Variants in RNFT2 observed in about 807,000 individuals in gnomAD.
RNFT2 encodes ring finger protein, transmembrane 2, also known as E3 ubiquitin-protein ligase RNFT2.
RNFT2 carries 36 observed loss-of-function variants against 53.0 expected under a neutral mutation model. That is an observed-to-expected ratio of 0.68 (90% CI 0.52 to 0.90). RNFT2 has a LOEUF of 0.90. RNFT2 is among the 40% of genes least tolerant of loss of function. The pLI, the probability that RNFT2 is intolerant of heterozygous loss-of-function variation, is 0.00. For missense variants in RNFT2, 514 were observed against 585.6 expected (o/e 0.88, Z 1.26); for synonymous variants, 260 against 253.2 (o/e 1.03, Z -0.26).
At chr12:116,803,992 G>A (rs895261560) in intron 7 of RNFT2, among the ~76,000 whole-genome samples, 1 of 152,214 alleles carries the variant, frequency 6.6e-6, no homozygotes, top group Non-Finnish European at 1.5e-5. Context: ...GAGCCTGGGG[G>A]AAGATTAAGT....
intron 7 of RNFT2, among the ~76,000 whole-genome samples, chr12:116,811,623 G>A (rs113086456): frequency 1.3e-5 from 2 of 152,162 alleles, no homozygotes; most frequent in Non-Finnish European, 2.9e-5. Flanking sequence ...TAATCTGCCC[G>A]CCTTGGCCTC....
intron 7 of RNFT2, among the ~76,000 whole-genome samples, chr12:116,781,895 G>A (rs768459241): frequency 2.0e-5 from 3 of 151,662 alleles, no homozygotes; most frequent in Non-Finnish European, 4.4e-5. Context: ...TGGGCTACAC[G>A]GTGAAACCCC....
At chr12:116,845,144 T>G (rs1036017023) in intron 10 of RNFT2, among the ~76,000 whole-genome samples, 23 of 150,508 alleles carry the variant, frequency 1.5e-4, no homozygotes, top group Middle Eastern at 6.9e-3. Flanking sequence ...CTTGGGAGAT[T>G]GAAGCAGGAG....
chr12:116,784,323 C>T (rs147277737), intron 7 of RNFT2, among the ~76,000 whole-genome samples: 3,967 of 152,300 alleles, frequency 0.026, 83 homozygotes, highest in Non-Finnish European at 0.041. Flanking sequence ...CTTACAATTC[C>T]CCAGTTCAGC....
At chr12:116,756,154 G>A (rs1423406637) in intron 5 of RNFT2, among the ~76,000 whole-genome samples, 1 of 152,026 alleles carries the variant, frequency 6.6e-6, no homozygotes, top group Non-Finnish European at 1.5e-5. Context: ...ATTGCTTTTG[G>A]CAGTAGGGTC....
intron 5 of RNFT2, chr12:116,755,342 A>G (rs1592940307): frequency 1.5e-6 from 1 of 655,272 alleles, no homozygotes. Context: ...CTATGTCCCT[A>G]TTTTTTTTTA....
intron 7 of RNFT2, among the ~76,000 whole-genome samples, chr12:116,810,862 G>GT (rs1448106855): frequency 2.0e-5 from 3 of 152,148 alleles, no homozygotes; most frequent in Non-Finnish European, 4.4e-5. Context: ...TCCCCCAGAT[G>GT]TTTCTCCTTC....
intron 7 of RNFT2, among the ~76,000 whole-genome samples, chr12:116,816,736 C>T (rs903088383): frequency 4.6e-5 from 7 of 152,142 alleles, no homozygotes; most frequent in African/African-American, 1.7e-4. Context: ...GACAATTTCC[C>T]CCCTCATGGG....
intron 10 of RNFT2, among the ~76,000 whole-genome samples, chr12:116,845,260 T>A (rs2393090): frequency 0.15 from 15,339 of 100,474 alleles, 1,061 homozygotes; most frequent in African/African-American, 0.26. Flanking sequence ...AAAAAAAAAA[T>A]ATATATATAT....
At chr12:116,803,174 A>G (rs1874886218) in intron 7 of RNFT2, among the ~76,000 whole-genome samples, 1 of 152,108 alleles carries the variant, frequency 6.6e-6, no homozygotes, top group South Asian at 2.1e-4. Context: ...CCATCTCATG[A>G]GCGACATTCA....
chr12:116,755,840 C>T (rs1002942177), intron 5 of RNFT2: 7 of 1,570,344 alleles, frequency 4.5e-6, no homozygotes, highest in East Asian at 4.5e-5. Context: ...GAACATATAT[C>T]GGGTGCCTCT....
At chr12:116,755,829 A>G (rs533857573) in intron 5 of RNFT2, 348 of 1,572,080 alleles carry the variant, frequency 2.2e-4, no homozygotes, top group Non-Finnish European at 2.9e-4. Flanking sequence ...AAAGGCCTAG[A>G]GAACATATAT....
At chr12:116,807,577 G>A (rs1785440526) in intron 7 of RNFT2, among the ~76,000 whole-genome samples, 1 of 152,028 alleles carries the variant, frequency 6.6e-6, no homozygotes, top group South Asian at 2.1e-4. Context: ...ATCACTGCAT[G>A]ATTCTGCCTC....
chr12:116,738,910 A>C (rs920169309), intron 1 of RNFT2, among the ~76,000 whole-genome samples: 1 of 152,218 alleles, frequency 6.6e-6, no homozygotes. Context: ...GAGGAGGATT[A>C]AGTTGAGATT....
In RNFT2 at chr12:116,851,040, A is replaced by G. The variant is rs969369457; in HGVS notation, c.*1592A>G. On this transcript the variant is annotated 3_prime_UTR_variant, in exon 11 of 11. Transcript: ENST00000257575. ...GCAAAGCATGCAGCATCCTGCTTGGATTACGTGCTGTCATCCTCACAACAG... is the reference window on the plus strand; with the variant it reads ...GCAAAGCATGCAGCATCCTGCTTGGGTTACGTGCTGTCATCCTCACAACAG... The G allele has an allele frequency of 6.6e-6, 1 of 152,124 alleles. No individual in the cohort carries two copies. Among genetic ancestry groups the G allele is most frequent in the African/African-American group, 2.4e-5 (1 of 41,416 alleles). 9.4% of individuals were successfully genotyped at this position (152,124 alleles called of 1,614,324 possible).
At chr12:116,750,577 T>A (rs1156443439) in intron 4 of RNFT2, among the ~76,000 whole-genome samples, 1 of 151,622 alleles carries the variant, frequency 6.6e-6, no homozygotes, top group Non-Finnish European at 1.5e-5. Context: ...GGTTGGCTGG[T>A]GTAAAGGAGT....
At chr12:116,801,723 C>T (rs1592967108) in intron 7 of RNFT2, among the ~76,000 whole-genome samples, 2 of 152,226 alleles carry the variant, frequency 1.3e-5, no homozygotes, top group Admixed American at 6.5e-5. Context: ...AACAGAATAC[C>T]GTTTTTCAAA....
chr12:116,826,710 A>G (rs969784455), intron 7 of RNFT2, among the ~76,000 whole-genome samples: 2 of 151,886 alleles, frequency 1.3e-5, no homozygotes, highest in Non-Finnish European at 2.9e-5. Flanking sequence ...CAGCGTTTCA[A>G]CTCTCCTCCA....
chr12:116,761,390 C>G (rs910164189), intron 5 of RNFT2, among the ~76,000 whole-genome samples: 9 of 152,124 alleles, frequency 5.9e-5, no homozygotes, highest in Non-Finnish European at 1.0e-4. Flanking sequence ...TCCGGTAATC[C>G]GCACACCTTG....
Sources: gnomAD v4.1 joint callset for allele counts (sites outside exome capture counted in the v4.1 genomes callset) on GRCh38, gnomAD v4.1.1 for gene constraint, MANE v1.5 for transcripts, NCBI Gene and HGNC (gene_info 2026-07-23, HGNC 2026-07-21) for gene names.